Variants in ATP1A1 observed in about 807,000 individuals in gnomAD.
ATP1A1 encodes ATPase Na+/K+ transporting subunit alpha 1.
Under a neutral mutation model 114.8 loss-of-function variants are expected in ATP1A1, and 14 were observed. That is an observed-to-expected ratio of 0.12 (90% CI 0.08 to 0.19). The LOEUF is 0.19. Ranked by LOEUF, ATP1A1 falls within the 10% of genes least tolerant of loss-of-function variation. The pLI is 1.00. For synonymous variants in ATP1A1, 471 were observed against 466.3 expected (o/e 1.01, Z -0.13); for missense variants, 524 against 1,290.7 (o/e 0.41, Z 9.10).
Position 116,388,347 on chromosome 1 carries a change from C to A in ATP1A1, c.501+103C>A. On this transcript the variant is annotated intron_variant, in intron 5 of 22. Coordinates refer to ENST00000295598, the MANE Select transcript of ATP1A1 (RefSeq NM_000701.8). The surrounding 1 kb of genome is among the most constrained non-coding windows in gnomAD (Gnocchi z 5.6). The stretch of plus-strand genomic sequence containing the variant: ...AAGGTTTTCCAAGTATTACATGACT[C>A]ATCAGAGAGATGGATGTCTTCTACC... The A allele has an allele frequency of 9.3e-7, 1 of 1,075,284 alleles. No homozygotes were observed. Among genetic ancestry groups the A allele is most frequent in the Non-Finnish European group, 1.4e-6 (1 of 725,282 alleles). 66.6% of individuals were successfully genotyped at this position (1,075,284 alleles called of 1,614,324 possible). A position where few individuals can be genotyped will look rare whatever the true frequency, so the allele number is the denominator to read the frequency against.
At chr1:116,375,536 A>G (rs977920189) in intron 1 of ATP1A1, among the ~76,000 whole-genome samples, 9 of 152,276 alleles carry the variant, frequency 5.9e-5, no homozygotes, top group African/African-American at 1.4e-4. Context: ...AACAAAATGT[A>G]TAGTGGCTAG....
chr1:116,373,862 C>T (rs1016109576), intron 1 of ATP1A1: 17 of 1,259,548 alleles, frequency 1.3e-5, no homozygotes, highest in African/African-American at 7.9e-5. Context: ...GAGGAGGGGG[C>T]TTGCAGCAGC....
At chr1:116,386,641 A>C (rs1393745205) in intron 3 of ATP1A1, among the ~76,000 whole-genome samples, 1 of 152,140 alleles carries the variant, frequency 6.6e-6, no homozygotes, top group Non-Finnish European at 1.5e-5. Context: ...GCTGTCAGTG[A>C]ATCTTGGGTT....
chr1:116,399,803 G>A lies in ATP1A1; in HGVS notation c.2572+260G>A, dbSNP rs960203312. ...CTTGGAACTGGGCTCAACTCTGCCT[G>A]AGAAATGAGGATGTCCTTCCTCACT... is the stretch of plus-strand genomic sequence containing the variant. On this transcript the variant is annotated intron_variant, in intron 18 of 22. Transcript: ENST00000295598. This position sits in a 1 kb window ranked among gnomAD's most constrained non-coding sequence, Gnocchi z 5.0. Among the ~76,000 whole-genome samples the A allele has an allele frequency of 1.3e-5, 2 of 152,216 alleles. No individual in the cohort carries two copies. Among genetic ancestry groups the A allele is most frequent in the African/African-American group, 4.8e-5 (2 of 41,464 alleles).
Position 116,393,318 on chromosome 1 carries a change from T to C in ATP1A1, c.1468-213T>C, listed in dbSNP as rs186715945. 3.3e-5 allele frequency among the ~76,000 whole-genome samples: 5 copies of C among 151,786 alleles called. No individual in the cohort carries two copies. Among genetic ancestry groups the C allele is most frequent in the African/African-American group, 1.2e-4 (5 of 41,170 alleles). On this transcript the variant is annotated intron_variant, in intron 11 of 22. Transcript: ENST00000295598. This position sits in a 1 kb window ranked among gnomAD's most constrained non-coding sequence, Gnocchi z 5.0. ...TATGTTCTTTTTTAATGTGAACAAA[T>C]GTCAGGAATTTATGAATATATCATA...
At position 116,395,930 on chromosome 1, in the gene ATP1A1, T is replaced by C. The variant is rs1031245792; in HGVS notation, c.1836+645T>C. 1.3e-5 allele frequency among the ~76,000 whole-genome samples: 2 copies of C among 152,078 alleles called. No individual in the cohort carries two copies. Among genetic ancestry groups the C allele is most frequent in the African/African-American group, 4.8e-5 (2 of 41,402 alleles). On this transcript the variant is annotated intron_variant, in intron 13 of 22. Transcript: ENST00000295598. The surrounding 1 kb of genome is among the most constrained non-coding windows in gnomAD (Gnocchi z 6.4). ...CCACGCCCAGCTAATTTTTGTATTT[T>C]TAAGTAAAGATAGGGTTTCGCCACG... is the stretch of plus-strand genomic sequence containing the variant.
intron 21 of ATP1A1, 41 bp from the exon 22 acceptor site, chr1:116,403,843 T>A: frequency 6.6e-7 from 1 of 1,513,566 alleles, no homozygotes; most frequent in Non-Finnish European, 9.1e-7. Context: ...ATTTGAACTG[T>A]GTTCGTGTGC....
chr1:116,401,879 A>C lies in ATP1A1; in HGVS notation c.2951+224A>C. On this transcript the variant is annotated intron_variant, in intron 21 of 22. Coordinates refer to ENST00000295598, the MANE Select transcript of ATP1A1 (RefSeq NM_000701.8). This position sits in a 1 kb window ranked among gnomAD's most constrained non-coding sequence, Gnocchi z 4.7. ...TGTTTAGGATTTGGCCCAAGATAAG[A>C]TAAAGCCACACAGGCTCTAGCTCCA... The C allele has an allele frequency of 1.7e-6, 1 of 580,286 alleles. No homozygotes were observed. Among genetic ancestry groups the C allele is most frequent in the East Asian group, 2.9e-5 (1 of 34,130 alleles). The allele number at this position is 580,286 out of a possible 1,614,324, so 35.9% of individuals were successfully genotyped here.
intron 1 of ATP1A1, among the ~76,000 whole-genome samples, chr1:116,378,321 CCTTT>C (rs1651498797): frequency 1.3e-5 from 2 of 152,312 alleles, no homozygotes; most frequent in East Asian, 1.9e-4. Flanking sequence ...CTTACTAGTT[CCTTT>C]GTGAGTTATG....
At position 116,389,051 on chromosome 1, in the gene ATP1A1, G is replaced by A. The variant is rs368806623; in HGVS notation, c.754+32G>A. On this transcript the variant is annotated intron_variant, in intron 7 of 22. Coordinates refer to ENST00000295598, the MANE Select transcript of ATP1A1 (RefSeq NM_000701.8). The surrounding 1 kb of genome is among the most constrained non-coding windows in gnomAD (Gnocchi z 6.9). ...CATTTTTGGGCACTTTGAGCATGGC[G>A]TGGTATTTCTCTTGGGCATTAACAA... 1.7e-5 allele frequency: 26 copies of A among 1,563,586 alleles called. No individual in the cohort carries two copies. Among genetic ancestry groups the A allele is most frequent in the Admixed American group, 3.4e-5 (2 of 59,682 alleles).
At chr1:116,378,890 G>C (rs532225000) in intron 1 of ATP1A1, among the ~76,000 whole-genome samples, 1 of 152,276 alleles carries the variant, frequency 6.6e-6, no homozygotes, top group South Asian at 2.1e-4. Context: ...CAGCAGAAAG[G>C]GGGAGTTAAG....
At position 116,404,364 on chromosome 1, in the gene ATP1A1, A is replaced by G. The variant is rs776032145; in HGVS notation, c.3044-52A>G. 28 of 1,610,454 alleles carry G rather than the reference A, an allele frequency of 1.7e-5. No individual in the cohort carries two copies. Among genetic ancestry groups the G allele is most frequent in the Non-Finnish European group, 2.3e-5 (27 of 1,177,318 alleles). The stretch of plus-strand genomic sequence containing the variant: ...TCCCTGTTTCCCTCTGTAATGCTGG[A>G]GCGAGGAAGACTCACTGTAGTGTGT... On this transcript the variant is annotated intron_variant, in intron 22 of 22. Transcript: ENST00000295598. The surrounding 1 kb of genome is among the most constrained non-coding windows in gnomAD (Gnocchi z 4.8).
chr1:116,386,719 C>T (rs1234279146), intron 3 of ATP1A1, among the ~76,000 whole-genome samples: 2 of 152,138 alleles, frequency 1.3e-5, no homozygotes, highest in African/African-American at 2.4e-5. Context: ...TTTCAGTCAA[C>T]AGGTTTATTG....
intron 1 of ATP1A1, among the ~76,000 whole-genome samples, chr1:116,376,247 AG>A (rs1357512231): frequency 1.3e-5 from 2 of 152,228 alleles, no homozygotes; most frequent in Non-Finnish European, 2.9e-5. Flanking sequence ...TAGTGATTTA[AG>A]GAAGGGCAGG....
At chr1:116,390,570 A>G (rs1450496890) in intron 9 of ATP1A1, among the ~76,000 whole-genome samples, 159 bp downstream of exon 9, 1 of 143,852 alleles carries the variant, frequency 7.0e-6, no homozygotes, top group Admixed American at 7.0e-5. Context: ...TGAAGAGTCA[A>G]GGGTATGGGA....
At chr1:116,403,351 G>A (rs764551319) in intron 21 of ATP1A1, among the ~76,000 whole-genome samples, 1 of 152,118 alleles carries the variant, frequency 6.6e-6, no homozygotes, top group Non-Finnish European at 1.5e-5. Flanking sequence ...GGAAGCCTTC[G>A]GGCTCAGCTT....
chr1:116,373,986 G>A, intron 1 of ATP1A1: 1 of 1,377,294 alleles, frequency 7.3e-7, no homozygotes, highest in Non-Finnish European at 9.4e-7. Flanking sequence ...GAGGAAAGGC[G>A]CGCTCCTCCC....
intron 10 of ATP1A1, among the ~76,000 whole-genome samples, 174 bp downstream of exon 10, chr1:116,391,065 C>G (rs1366685952): frequency 6.6e-6 from 1 of 152,116 alleles, no homozygotes; most frequent in African/African-American, 2.4e-5. Flanking sequence ...GCCTGTAGAT[C>G]CTGATGTATT....
intron 1 of ATP1A1, 58 bp downstream of exon 1, chr1:116,373,581 G>T: frequency 7.3e-7 from 1 of 1,374,766 alleles, no homozygotes; most frequent in East Asian, 3.1e-5. Flanking sequence ...GGAAGAGGAG[G>T]AAGTCGGGAG....
Sources: gnomAD v4.1 joint callset for allele counts (sites outside exome capture counted in the v4.1 genomes callset) on GRCh38, gnomAD v4.1.1 for gene constraint, Gnocchi (gnomAD v3.1) non-coding constraint, MANE v1.5 for transcripts, NCBI Gene and HGNC (gene_info 2026-07-23, HGNC 2026-07-21) for gene names.